Variants in RAB3C observed in about 807,000 individuals in gnomAD.
The protein encoded by RAB3C is RAB3C, member RAS oncogene family, also known as ras-related protein Rab-3C.
Under a neutral mutation model 26.4 loss-of-function variants are expected in RAB3C, and 17 were observed. The ratio of observed to expected loss-of-function variants is 0.64; its 90% CI spans 0.44 to 0.97. The LOEUF is 0.97. Ranked by LOEUF, RAB3C falls within the 50% of genes least tolerant of loss-of-function variation. The probability of loss-of-function intolerance (pLI) is 0.00; values close to 1 mark genes in which losing one functional copy is unlikely to be tolerated. For missense variants in RAB3C, 242 were observed against 281.9 expected, an observed-to-expected ratio of 0.86 and a Z score of 1.01; for synonymous variants, 91 against 95.9, an observed-to-expected ratio of 0.95 and a Z score of 0.30.
At position 58,821,605 on chromosome 5, in the gene RAB3C, A is replaced by G. The variant is rs1026786720; in HGVS notation, c.372-3433A>G. On this transcript the variant is annotated intron_variant, in intron 3 of 4. Transcript: ENST00000282878. ...GCCAAATCTCACTGTTGCTAAGGGAATATATTATTAACTTAGGTATCAGAA... is the reference window on the plus strand; with the variant it reads ...GCCAAATCTCACTGTTGCTAAGGGAGTATATTATTAACTTAGGTATCAGAA... Among the ~76,000 whole-genome samples the G allele has an allele frequency of 5.9e-5, 9 of 152,312 alleles. No homozygotes were observed. The East Asian group carries it at 1.7e-3, about 29-fold the overall frequency.
At chr5:58,786,002 G>T (rs1055574142) in intron 3 of RAB3C, among the ~76,000 whole-genome samples, 2 of 152,214 alleles carry the variant, frequency 1.3e-5, no homozygotes, top group Admixed American at 1.3e-4. Context: ...TTCTCCTAGA[G>T]CCTCCAGAAA....
intron 2 of RAB3C, among the ~76,000 whole-genome samples, chr5:58,629,688 A>G (rs1053409833): frequency 6.6e-6 from 1 of 152,148 alleles, no homozygotes. Flanking sequence ...GGCTGTTAGC[A>G]TGGGGAAACT....
At chr5:58,617,938 A>T (rs1746860290) in intron 2 of RAB3C, 68 bp downstream of exon 2, 9 of 990,168 alleles carry the variant, frequency 9.1e-6, no homozygotes, top group Non-Finnish European at 1.4e-5. Flanking sequence ...GTAAGGGAGA[A>T]ACTTTCTGCC....
intron 2 of RAB3C, among the ~76,000 whole-genome samples, chr5:58,704,070 C>A (rs1284165104): frequency 6.6e-6 from 1 of 152,146 alleles, no homozygotes; most frequent in Non-Finnish European, 1.5e-5. Flanking sequence ...ATCTCTGATT[C>A]CAAGTCCTAA....
At chr5:58,748,085 T>C (rs1314822660) in intron 3 of RAB3C, among the ~76,000 whole-genome samples, 1 of 152,134 alleles carries the variant, frequency 6.6e-6, no homozygotes, top group East Asian at 1.9e-4. Flanking sequence ...TTCTGCTATC[T>C]TTTTTATTCC....
chr5:58,782,340 A>G (rs935171282), intron 3 of RAB3C, among the ~76,000 whole-genome samples: 3 of 152,102 alleles, frequency 2.0e-5, no homozygotes, highest in Admixed American at 1.3e-4. Context: ...CCCGTCAAAA[A>G]TCTACATGCC....
At chr5:58,718,445 G>T (rs2111908503) in intron 2 of RAB3C, among the ~76,000 whole-genome samples, 1 of 152,076 alleles carries the variant, frequency 6.6e-6, no homozygotes, top group East Asian at 1.9e-4. Flanking sequence ...TTATAAAAAA[G>T]CTATCTATGG....
chr5:58,700,793 T>C (rs1463831051), intron 2 of RAB3C, among the ~76,000 whole-genome samples: 2 of 152,144 alleles, frequency 1.3e-5, no homozygotes, highest in Non-Finnish European at 1.5e-5. Flanking sequence ...GGAAATCGAC[T>C]CGAGGTCTTG....
chr5:58,730,819 A>G (rs543940966), intron 3 of RAB3C, among the ~76,000 whole-genome samples: 2 of 152,228 alleles, frequency 1.3e-5, no homozygotes, highest in Non-Finnish European at 2.9e-5. Flanking sequence ...TCAAACTGAT[A>G]ATAAAGACAG....
chr5:58,672,109 A>C (rs1748130431), intron 2 of RAB3C, among the ~76,000 whole-genome samples: 1 of 152,204 alleles, frequency 6.6e-6, no homozygotes. Context: ...AGGGGTTACT[A>C]ACGAAAACAA....
intron 2 of RAB3C, among the ~76,000 whole-genome samples, chr5:58,697,983 T>A (rs1748755367): frequency 6.6e-6 from 1 of 152,216 alleles, no homozygotes; most frequent in Non-Finnish European, 1.5e-5. Flanking sequence ...CTGGTTATTT[T>A]GTCCGTTAAT....
chr5:58,621,930 C>T (rs779873798), intron 2 of RAB3C, among the ~76,000 whole-genome samples: 3 of 152,184 alleles, frequency 2.0e-5, no homozygotes, highest in African/African-American at 7.2e-5. Flanking sequence ...GAAAGCGCTC[C>T]TCATTTTCTA....
chr5:58,678,939 TTG>T (rs928994181), intron 2 of RAB3C, among the ~76,000 whole-genome samples: 10 of 152,180 alleles, frequency 6.6e-5, no homozygotes, highest in Non-Finnish European at 1.5e-4. Context: ...AAAAGACTTT[TTG>T]TTTTTCCAGC....
chr5:58,744,768 GAAC>G (rs200493658), intron 3 of RAB3C, among the ~76,000 whole-genome samples: 2,221 of 152,086 alleles, frequency 0.015, 45 homozygotes, highest in African/African-American at 0.051. Flanking sequence ...TTTCTCTGGA[GAAC>G]AACAACAACA....
chr5:58,729,816 C>G (rs1238263685), intron 3 of RAB3C, among the ~76,000 whole-genome samples: 3 of 143,168 alleles, frequency 2.1e-5, no homozygotes, highest in African/African-American at 5.1e-5. Context: ...TATACATATA[C>G]TATATGTATA....
intron 2 of RAB3C, among the ~76,000 whole-genome samples, chr5:58,643,362 T>C (rs901587589): frequency 2.6e-5 from 4 of 152,268 alleles, no homozygotes; most frequent in African/African-American, 9.6e-5. Flanking sequence ...ATAAATGACA[T>C]AAGTATCAGT....
rs1323935113 is a variant in RAB3C at position 58,854,547 on chromosome 5, G to A, written c.*3196G>A. On this transcript the variant is annotated 3_prime_UTR_variant, in exon 5 of 5. Coordinates refer to ENST00000282878, the MANE Select transcript of RAB3C (RefSeq NM_138453.4). The stretch of plus-strand genomic sequence containing the variant: ...GCATCGCATCTACATGCTCATAAGA[G>A]GAATTGCTTCAGGACAATGAATCAG... The A allele has an allele frequency of 6.6e-6, 1 of 152,176 alleles. No homozygotes were observed. The allele number at this position is 152,176 out of a possible 1,614,324, so 9.4% of individuals were successfully genotyped here. A position where few individuals can be genotyped will look rare whatever the true frequency, so the allele number is the denominator to read the frequency against.
chr5:58,698,793 C>T (rs555092337), intron 2 of RAB3C, among the ~76,000 whole-genome samples: 1 of 152,258 alleles, frequency 6.6e-6, no homozygotes, highest in East Asian at 1.9e-4. Flanking sequence ...TTAAGGTCTT[C>T]TCTACACTGT....
intron 3 of RAB3C, among the ~76,000 whole-genome samples, chr5:58,755,125 G>A (rs963819797): frequency 9.9e-5 from 15 of 152,178 alleles, no homozygotes; most frequent in Admixed American, 2.0e-4. Flanking sequence ...GGCTTGTAAC[G>A]AAGAGGGCTG....
Sources: gnomAD v4.1 joint callset for allele counts (sites outside exome capture counted in the v4.1 genomes callset) on GRCh38, gnomAD v4.1.1 for gene constraint, MANE v1.5 for transcripts, NCBI Gene and HGNC (gene_info 2026-07-23, HGNC 2026-07-21) for gene names.